The following TRIP11 variants were observed in gnomAD, a reference collection of about 807,000 sequenced individuals.
The protein encoded by TRIP11 is thyroid hormone receptor interactor 11, also known as thyroid receptor-interacting protein 11.
TRIP11 carries 148 observed loss-of-function variants against 223.1 expected under a neutral mutation model. The ratio of observed to expected loss-of-function variants is 0.66; its 90% CI spans 0.58 to 0.76. TRIP11 has a LOEUF of 0.76. Ranked by LOEUF, TRIP11 falls within the 30% of genes least tolerant of loss-of-function variation. The pLI is 0.00. For synonymous variants in TRIP11, 762 were observed against 772.6 expected, an observed-to-expected ratio of 0.99 and a Z score of 0.23; for missense variants, 2,043 against 2,222.0, an observed-to-expected ratio of 0.92 and a Z score of 1.62.
chr14:91,975,147 C>T lies in TRIP11; in HGVS notation c.5457+25G>A, dbSNP rs545827502. 2.7e-5 allele frequency: 43 copies of T among 1,580,852 alleles called. No individual in the cohort carries two copies. In the South Asian group the frequency reaches 4.5e-4, roughly 17 times the overall value. ...CCACTATCTGGATTATGAATGTGTT[C>T]AGATGGCTTTCATCGTCCAGTCACC... On this transcript the variant is annotated intron_variant, in intron 18 of 20. Transcript: ENST00000267622.
At chr14:91,975,463 AT>A (rs1304064286) in intron 17 of TRIP11, among the ~76,000 whole-genome samples, 177 bp from the exon 18 acceptor site, 5 of 152,318 alleles carry the variant, frequency 3.3e-5, no homozygotes, top group East Asian at 3.9e-4. Flanking sequence ...TTCAAAAAAA[AT>A]AAAATAAAAA....
intron 17 of TRIP11, among the ~76,000 whole-genome samples, chr14:91,975,776 T>C (rs2056456591): frequency 6.6e-6 from 1 of 152,176 alleles, no homozygotes; most frequent in African/African-American, 2.4e-5. Context: ...TTGAGCAAGA[T>C]TATGTTCATT....
intron 9 of TRIP11, among the ~76,000 whole-genome samples, chr14:92,010,493 G>A (rs986272232): frequency 4.0e-5 from 6 of 151,730 alleles, no homozygotes; most frequent in African/African-American, 1.5e-4. Flanking sequence ...TTGCGCCACT[G>A]CACTACAGCC....
intron 2 of TRIP11, among the ~76,000 whole-genome samples, chr14:92,031,197 C>T (rs756342660): frequency 1.6e-4 from 24 of 152,144 alleles, no homozygotes; most frequent in Non-Finnish European, 3.2e-4. Context: ...TGGCTCACTG[C>T]AACCTCCACA....
In TRIP11 at chr14:91,995,653, TC is replaced by T. The variant is rs1222043144; in HGVS notation, c.4893-139del. The T allele has an allele frequency of 1.9e-5, 16 of 864,508 alleles. No homozygotes were observed. The Admixed American group carries it at 1.9e-4, about 10-fold the overall frequency. 53.6% of individuals were successfully genotyped at this position (864,508 alleles called of 1,614,324 possible). ...TTTTTTGAGACAGAGTCTCGCTCTG[TC>T]ACCCAGGCTGGAGTGCAGTGGCACA... On this transcript the variant is annotated intron_variant, in intron 13 of 20. Coordinates refer to ENST00000267622, the MANE Select transcript of TRIP11 (RefSeq NM_004239.4).
intron 1 of TRIP11, among the ~76,000 whole-genome samples, chr14:92,034,035 C>G (rs2057297059): frequency 6.6e-6 from 1 of 152,154 alleles, no homozygotes; most frequent in Admixed American, 6.6e-5. Context: ...CCCTTTGTGC[C>G]CGAGCACTCC....
chr14:91,975,385 T>A (rs2056451512), intron 17 of TRIP11, 99 bp from the exon 18 acceptor site: 1 of 678,092 alleles, frequency 1.5e-6, no homozygotes, highest in Admixed American at 2.9e-5. Context: ...CAATTAAATA[T>A]TTACTTATAA....
At chr14:91,972,077 G>A (rs11845053) in intron 20 of TRIP11, among the ~76,000 whole-genome samples, 3,653 of 152,138 alleles carry the variant, frequency 0.024, 138 homozygotes, top group African/African-American at 0.075. Flanking sequence ...ATTTTCTTGC[G>A]TGCCAGTATA....
chr14:92,014,114 T>C lies in TRIP11; in HGVS notation c.1186+101A>G, dbSNP rs560634956. ...TGACACACAGTCATTTCCAGGAATA[T>C]GCCATTTCCACTAAGTATTCAGTTA... On this transcript the variant is annotated intron_variant, in intron 7 of 20. Coordinates refer to ENST00000267622, the MANE Select transcript of TRIP11 (RefSeq NM_004239.4). 64 of 1,488,866 alleles carry C rather than the reference T, an allele frequency of 4.3e-5. No homozygotes were observed. In the African/African-American group the frequency reaches 7.3e-4, roughly 17 times the overall value. 92.2% of individuals were successfully genotyped at this position (1,488,866 alleles called of 1,614,324 possible).
intron 13 of TRIP11, among the ~76,000 whole-genome samples, chr14:91,998,850 C>T: frequency 6.6e-6 from 1 of 152,332 alleles, no homozygotes; most frequent in East Asian, 1.9e-4. Flanking sequence ...TTCCTGCTAA[C>T]ATCCACATCC....
At position 92,005,683 on chromosome 14, in the gene TRIP11, T is replaced by G. The variant is rs528641114; in HGVS notation, c.2293A>C (p.Ile765Leu). 70 of 1,613,852 alleles carry G rather than the reference T, an allele frequency of 4.3e-5. 1 individual carries two copies. In the South Asian group the frequency reaches 6.9e-4, roughly 16 times the overall value. Residue 765 changes from isoleucine (I) to leucine (L), a missense_variant, in exon 11 of 21, where the codon ATT becomes CTT. Physicochemically the swap from Ile to Leu is conservative, Grantham distance 5. Coordinates refer to ENST00000267622, the MANE Select transcript of TRIP11 (RefSeq NM_004239.4). ...SALQLEHEHL[I>L]KLNQKKDMEI... ...ATGTCTTTCTTTTGATTGAGTTTAA[T>G]TAAATGCTCATGTTCCAGCTGTAAG...
chr14:92,020,537 G>A (rs1049844516), intron 4 of TRIP11, among the ~76,000 whole-genome samples: 6 of 151,990 alleles, frequency 3.9e-5, no homozygotes, highest in African/African-American at 1.4e-4. Context: ...CAACATCTAA[G>A]CAAGCGGTTT....
chr14:91,987,325 CCT>C (rs1325647065), intron 16 of TRIP11, among the ~76,000 whole-genome samples: 31 of 152,014 alleles, frequency 2.0e-4, no homozygotes, highest in Admixed American at 5.2e-4. Flanking sequence ...AAAAATCTCC[CCT>C]GTCCTGTCTC....
At chr14:92,025,600 C>T (rs2057174185) in intron 2 of TRIP11, among the ~76,000 whole-genome samples, 180 bp from the exon 3 acceptor site, 1 of 151,554 alleles carries the variant, frequency 6.6e-6, no homozygotes, top group South Asian at 2.1e-4. Context: ...ATGCACTGAC[C>T]AGCCGGGCAC....
intron 2 of TRIP11, among the ~76,000 whole-genome samples, chr14:92,031,417 A>G (rs1442149866): frequency 2.0e-5 from 3 of 152,096 alleles, no homozygotes; most frequent in African/African-American, 7.2e-5. Flanking sequence ...TTACAAAAAA[A>G]TCTTTAAAAA....
chr14:92,014,340 T>G lies in TRIP11; in HGVS notation c.1061A>C (p.Lys354Thr), dbSNP rs1402983502. The G allele has an allele frequency of 6.2e-7, 1 of 1,613,936 alleles. No homozygotes were observed. The highest frequency in any genetic ancestry group is 8.5e-7 in the Non-Finnish European group (1 of 1,180,016). Residue 354 changes from lysine to threonine, a missense_variant, in exon 7 of 21, where the codon AAA becomes ACA. Physicochemically the swap from Lys to Thr is moderately conservative, Grantham distance 78 (BLOSUM62 -1). Coordinates refer to ENST00000267622, the MANE Select transcript of TRIP11 (RefSeq NM_004239.4). ...AGGCTGCAATTTACTACATTCCAAT[T>G]TCAAGTTTTCACATTCTTCCATTAT... The part of the protein sequence containing the change: ...RQIMEECENL[K>T]LECSKLQPSA...
At position 92,014,549 on chromosome 14, in the gene TRIP11, G is replaced by C. The variant is rs779620626; in HGVS notation, c.852C>G (p.Leu284=). ...QGGSGVIETD[L]SKIYEMQKTI... is the part of the protein sequence containing the mutation. ...TTTTTTGCATCTCATAGATTTTAGA[G>C]AGATCAGTTTCTATAACTCCAGAGC... The change falls in exon 7 of 21, where the codon CTC becomes CTG. Residue 284 remains leucine (L), a synonymous_variant. Transcript: ENST00000267622. 6 of 1,602,744 alleles carry C rather than the reference G, an allele frequency of 3.7e-6. No individual in the cohort carries two copies. The highest frequency in any genetic ancestry group is 4.2e-6 in the Non-Finnish European group (5 of 1,177,628).
Position 91,968,688 on chromosome 14 carries a change from C to T in TRIP11, c.*985G>A, listed in dbSNP as rs184974871. On this transcript the variant is annotated 3_prime_UTR_variant, in exon 21 of 21. Transcript: ENST00000267622. ...CTATATGCTCAACAATAAAAAGGAA[C>T]AAACTAGTGATACATCCAAAGCCTT... 8.8e-6 allele frequency: 2 copies of T among 227,270 alleles called. No individual in the cohort carries two copies. Among genetic ancestry groups the T allele is most frequent in the African/African-American group, 4.4e-5 (2 of 44,984 alleles). 14.1% of individuals were successfully genotyped at this position (227,270 alleles called of 1,614,324 possible). A position where few individuals can be genotyped will look rare whatever the true frequency, so the allele number is the denominator to read the frequency against.
At chr14:92,028,964 G>T (rs1262441996) in intron 2 of TRIP11, among the ~76,000 whole-genome samples, 1 of 151,880 alleles carries the variant, frequency 6.6e-6, no homozygotes, top group Non-Finnish European at 1.5e-5. Flanking sequence ...TCTTTCTGAG[G>T]GGTCTACCAA....
Sources: gnomAD v4.1 joint callset for allele counts (sites outside exome capture counted in the v4.1 genomes callset) on GRCh38, gnomAD v4.1.1 for gene constraint, MANE v1.5 for transcripts, NCBI Gene and HGNC (gene_info 2026-07-23, HGNC 2026-07-21) for gene names.